ITGAD: variants seen among roughly 807,000 people sequenced by gnomAD.
ITGAD encodes the protein integrin subunit alpha D.
Under a neutral mutation model 139.0 loss-of-function variants are expected in ITGAD, and 105 were observed. The observed-to-expected ratio is 0.76, with a 90% CI of 0.65 to 0.89. The LOEUF is 0.89. ITGAD is among the 40% of genes least tolerant of loss of function. The pLI is 0.00. For missense variants in ITGAD, 1,384 were observed against 1,487.3 expected (o/e 0.93, Z 1.14); for synonymous variants, 569 against 598.3 (o/e 0.95, Z 0.71).
intron 2 of ITGAD, 73 bp from the exon 3 acceptor site, chr16:31,397,286 T>A (rs999946930): frequency 3.0e-6 from 3 of 988,872 alleles, no homozygotes; most frequent in Non-Finnish European, 4.6e-6. Flanking sequence ...GAGGGACACT[T>A]CCTCACCCCC....
chr16:31,397,698 G>GGGT, intron 4 of ITGAD, 32 bp downstream of exon 4: 1 of 1,391,404 alleles, frequency 7.2e-7, no homozygotes, highest in Non-Finnish European at 1.0e-6. Context: ...CGGGGGGGTG[G>GGGT]GGTGGGGCGG....
At position 31,403,681 on chromosome 16, in the gene ITGAD, G is replaced by T. The variant is rs2142670928; in HGVS notation, c.704+36G>T. The T allele has an allele frequency of 6.2e-7, 1 of 1,612,654 alleles. No individual in the cohort carries two copies. The highest frequency in any genetic ancestry group is 8.5e-7 in the Non-Finnish European group (1 of 1,179,050). ...CCGACCCCAGCCTGGCGATGTGACT[G>T]CCACCCCCACTTCCTAACCCTGGGT... On this transcript the variant is annotated intron_variant, in intron 7 of 29. Transcript: ENST00000389202. This position sits in a 1 kb window ranked among gnomAD's most constrained non-coding sequence, Gnocchi z 4.4.
intron 1 of ITGAD, 146 bp downstream of exon 1, chr16:31,393,537 G>A: frequency 1.3e-6 from 1 of 797,826 alleles, no homozygotes; most frequent in Non-Finnish European, 2.1e-6. Flanking sequence ...GAGTGGCCCG[G>A]AGTCAGTAGA....
rs1282087986 is a variant in ITGAD, at chr16:31,414,513, G to A, written c.2059G>A (p.Ala687Thr). ...GGACCCAGGTCGTCTGACTTCTCGTGCCATTTTCAATGAAACCAAGAACCC... is the reference window on the plus strand; with the variant it reads ...GGACCCAGGTCGTCTGACTTCTCGTACCATTTTCAATGAAACCAAGAACCC... ...ALDPGRLTSR[A>T]IFNETKNPTL... The change falls in exon 17 of 30, where the codon GCC becomes ACC. Residue 687 changes from alanine (A) to threonine (T), a missense_variant. Transcript: ENST00000389202. 1 of 1,614,104 alleles carries A rather than the reference G, an allele frequency of 6.2e-7. No individual in the cohort carries two copies. The highest frequency in any genetic ancestry group is 8.5e-7 in the Non-Finnish European group (1 of 1,180,042).
intron 5 of ITGAD, among the ~76,000 whole-genome samples, chr16:31,398,644 CTAAT>C (rs1714111426): frequency 6.6e-6 from 1 of 151,760 alleles, no homozygotes; most frequent in South Asian, 2.1e-4. Context: ...TCACACCTGG[CTAAT>C]TAAAAAAAAT....
At position 31,410,324 on chromosome 16, in the gene ITGAD, C is replaced by G. The variant is rs762302822; in HGVS notation, c.1084-71C>G. 24 of 1,594,756 alleles carry G rather than the reference C, an allele frequency of 1.5e-5. No homozygotes were observed. In the Admixed American group the frequency reaches 2.9e-4, roughly 19 times the overall value. On this transcript the variant is annotated intron_variant, in intron 10 of 29. Transcript: ENST00000389202. Reference sequence around the variant, plus strand: ...CCTGGATGGCGAGTGATGCGGGTGGCAGGCGTGTCTCTGGGATATGCTGTC... The same window carrying G: ...CCTGGATGGCGAGTGATGCGGGTGGGAGGCGTGTCTCTGGGATATGCTGTC...
intron 29 of ITGAD, among the ~76,000 whole-genome samples, chr16:31,425,680 C>T (rs1172647231): frequency 6.7e-6 from 1 of 149,936 alleles, no homozygotes; most frequent in African/African-American, 2.5e-5. Context: ...TTTTCTTTTT[C>T]TTCTTCTTCT....
chr16:31,413,175 A>G lies in ITGAD; in HGVS notation c.1925A>G (p.Lys642Arg). ...GCTGTGTACCGGTGCTGGGAAGAGA[A>G]GCCCAGTGCCCTGGAAGCTGGGGAC... is the stretch of plus-strand genomic sequence containing the variant. ...AKAVYRCWEEKPSALEAGDAT... is the reference protein window; with the variant it reads ...AKAVYRCWEERPSALEAGDAT... The change falls in exon 16 of 30, where the codon AAG becomes AGG. Residue 642 changes from lysine (K) to arginine (R), a missense_variant. Lys to Arg is a conservative substitution (Grantham distance 26). Coordinates refer to ENST00000389202, the MANE Select transcript of ITGAD (RefSeq NM_005353.3). 1 of 1,614,162 alleles carries G rather than the reference A, an allele frequency of 6.2e-7. No homozygotes were observed.
chr16:31,399,677 C>T (rs1471214931), intron 5 of ITGAD, among the ~76,000 whole-genome samples: 1 of 152,160 alleles, frequency 6.6e-6, no homozygotes, highest in Non-Finnish European at 1.5e-5. Context: ...CTTCTCACAG[C>T]CATCCGTGGA....
Position 31,393,386 on chromosome 16 carries a change from T to C in ITGAD, c.26T>C (p.Leu9Pro), listed in dbSNP as rs767770744. 22 of 1,613,966 alleles carry C rather than the reference T, an allele frequency of 1.4e-5. No homozygotes were observed. Among genetic ancestry groups the C allele is most frequent in the Admixed American group, 6.7e-5 (4 of 59,994 alleles). The change falls in exon 1 of 30, where the codon CTG becomes CCG. Residue 9 changes from leucine to proline, a missense_variant. Coordinates refer to ENST00000389202, the MANE Select transcript of ITGAD (RefSeq NM_005353.3). MTFGTVLLLSVLASYHGFN... is the reference protein window; with the variant it reads MTFGTVLLPSVLASYHGFN... ...ATGACCTTCGGCACTGTGCTTCTTCTGAGTGGTAAGTGGGGCCAGGGTGCT... is the reference window on the plus strand; with the variant it reads ...ATGACCTTCGGCACTGTGCTTCTTCCGAGTGGTAAGTGGGGCCAGGGTGCT...
At chr16:31,416,118 CT>C in intron 18 of ITGAD, 94 bp from the exon 19 acceptor site, 1 of 1,023,970 alleles carries the variant, frequency 9.8e-7, no homozygotes, top group Non-Finnish European at 1.5e-6. Flanking sequence ...GGGGCAGTGG[CT>C]TAGTAATGCT....
chr16:31,407,588 C>G lies in ITGAD; in HGVS notation c.778C>G (p.Gln260Glu), dbSNP rs1191789382. ...KKILIVITDG[Q>E]KYKDPLEYSD... The stretch of plus-strand genomic sequence containing the variant: ...GATCCTCATTGTCATCACAGATGGG[C>G]AGAAGTACAAAGACCCCCTGGAATA... Residue 260 changes from glutamine to glutamate, a missense_variant, in exon 8 of 30, where the codon CAG (glutamine) becomes GAG (glutamate). Gln to Glu is a conservative substitution (Grantham distance 29, BLOSUM62 2). Transcript: ENST00000389202. 6.2e-7 allele frequency: 1 copy of G among 1,613,396 alleles called. No individual in the cohort carries two copies. Among genetic ancestry groups the G allele is most frequent in the Non-Finnish European group, 8.5e-7 (1 of 1,179,692 alleles).
At position 31,403,771 on chromosome 16, in the gene ITGAD, G is replaced by A; in HGVS notation, c.704+126G>A. 6.4e-6 allele frequency: 8 copies of A among 1,245,574 alleles called. No homozygotes were observed. The South Asian group carries it at 1.1e-4, about 18-fold the overall frequency. The allele number at this position is 1,245,574 out of a possible 1,614,324, so 77.2% of individuals were successfully genotyped here. On this transcript the variant is annotated intron_variant, in intron 7 of 29. Transcript: ENST00000389202. The surrounding 1 kb of genome is among the most constrained non-coding windows in gnomAD (Gnocchi z 4.4). Reference sequence around the variant, plus strand: ...AAAGGGGCTACCAAGGGGCATGTCGGGGCTGCAGGGAGAACCTCCCCCCGG... The same window carrying A: ...AAAGGGGCTACCAAGGGGCATGTCGAGGCTGCAGGGAGAACCTCCCCCCGG...
intron 7 of ITGAD, among the ~76,000 whole-genome samples, chr16:31,406,413 ATTAG>A (rs751356163): frequency 4.6e-5 from 7 of 152,124 alleles, no homozygotes; most frequent in Non-Finnish European, 8.8e-5. Flanking sequence ...CTGTTATCTA[ATTAG>A]TAGTCACCGT....
chr16:31,405,868 C>A (rs191891779), intron 7 of ITGAD, among the ~76,000 whole-genome samples: 1 of 151,912 alleles, frequency 6.6e-6, no homozygotes, highest in African/African-American at 2.4e-5. Flanking sequence ...GTCTTGAACT[C>A]CGGGCCTCGA....
At chr16:31,397,308 G>A (rs1245989250) in intron 2 of ITGAD, 51 bp from the exon 3 acceptor site, 7 of 1,304,240 alleles carry the variant, frequency 5.4e-6, no homozygotes, top group Non-Finnish European at 7.6e-6. Flanking sequence ...AGTGCCCGCT[G>A]CTCCCACCCC....
chr16:31,399,999 T>C (rs2081364017), intron 5 of ITGAD, among the ~76,000 whole-genome samples: 2 of 152,198 alleles, frequency 1.3e-5, no homozygotes, highest in African/African-American at 2.4e-5. Context: ...AAAGGATAAG[T>C]CCAGGCTTCT....
rs766247464 is a variant in ITGAD, at chr16:31,407,965, T to C, written c.1009+49T>C. 5 of 1,516,952 alleles carry C rather than the reference T, an allele frequency of 3.3e-6. No homozygotes were observed. The East Asian group carries it at 9.1e-5, about 28-fold the overall frequency. The allele number at this position is 1,516,952 out of a possible 1,614,324, so 94.0% of individuals were successfully genotyped here. On this transcript the variant is annotated intron_variant, in intron 9 of 29. Coordinates refer to ENST00000389202, the MANE Select transcript of ITGAD (RefSeq NM_005353.3). Reference sequence around the variant, plus strand: ...TGGGAGCCAAGGGGTCCCCACCCAATTGTCCCGTGCAGGCTTTTTTTTTTT... The same window carrying C: ...TGGGAGCCAAGGGGTCCCCACCCAACTGTCCCGTGCAGGCTTTTTTTTTTT...
At chr16:31,401,412 G>T (rs527795816) in intron 5 of ITGAD, among the ~76,000 whole-genome samples, 4 of 152,150 alleles carry the variant, frequency 2.6e-5, no homozygotes, top group Admixed American at 6.5e-5. Context: ...TCTGCCTAGC[G>T]TGATTCCTGG....
Sources: gnomAD v4.1 joint callset for allele counts (sites outside exome capture counted in the v4.1 genomes callset) on GRCh38, gnomAD v4.1.1 for gene constraint, Gnocchi (gnomAD v3.1) non-coding constraint, MANE v1.5 for transcripts, NCBI Gene and HGNC (gene_info 2026-07-23, HGNC 2026-07-21) for gene names.